The following BID variants were observed in gnomAD, a reference collection of about 807,000 sequenced individuals.
BID encodes the protein BH3 interacting domain death agonist.
Under a neutral mutation model 17.4 loss-of-function variants are expected in BID, and 19 were observed. The ratio of observed to expected loss-of-function variants is 1.09; its 90% confidence interval spans 0.76 to 1.60. The LOEUF (loss-of-function observed/expected upper bound fraction) is 1.60. Among genes scored for constraint, BID ranks in the 40% most tolerant of loss-of-function variants. The probability of loss-of-function intolerance (pLI) is 0.00; values close to 1 mark genes in which losing one functional copy is unlikely to be tolerated. For missense variants in BID, 226 were observed against 256.0 expected (o/e 0.88, Z 0.80); for synonymous variants, 108 against 102.8 (o/e 1.05, Z -0.31).
At chr22:17,761,174 C>CA (rs1205269272) in intron 1 of BID, among the ~76,000 whole-genome samples, 3 of 152,180 alleles carry the variant, frequency 2.0e-5, no homozygotes, top group Admixed American at 2.0e-4. Context: ...CAGGGGCACT[C>CA]AGAGTCTCAG....
At chr22:17,755,943 C>T (rs2061579610) in intron 1 of BID, among the ~76,000 whole-genome samples, 1 of 152,190 alleles carries the variant, frequency 6.6e-6, no homozygotes, top group South Asian at 2.1e-4. Context: ...TCTCGGCTCA[C>T]TGCAACCTCT....
intron 1 of BID, chr22:17,774,054 G>A: frequency 2.9e-6 from 1 of 346,978 alleles, no homozygotes; most frequent in Admixed American, 4.7e-5. Flanking sequence ...CCCTCCCCGC[G>A]CCCCGCACCC....
chr22:17,770,566 T>C (rs1019294107), intron 1 of BID, among the ~76,000 whole-genome samples: 3 of 152,178 alleles, frequency 2.0e-5, no homozygotes, highest in Non-Finnish European at 4.4e-5. Flanking sequence ...TTACACAAAT[T>C]AAACCAAACC....
At chr22:17,755,031 G>T (rs1448830768) in intron 1 of BID, among the ~76,000 whole-genome samples, 2 of 151,548 alleles carry the variant, frequency 1.3e-5, no homozygotes, top group Non-Finnish European at 2.9e-5. Flanking sequence ...CAAAATGCTG[G>T]GATTACAGGC....
At position 17,742,016 on chromosome 22, in the gene BID, G is replaced by A. The variant is rs138355382; in HGVS notation, c.223+1787C>T. Reference sequence around the variant, plus strand: ...AGCTTATCCACCTTGCTTCAGTTACGGACACGTCCTCTCTCCCTCTGGCCA... The same window carrying A: ...AGCTTATCCACCTTGCTTCAGTTACAGACACGTCCTCTCTCCCTCTGGCCA... On this transcript the variant is annotated intron_variant, in intron 3 of 5. Coordinates refer to ENST00000622694, the MANE Select transcript of BID (RefSeq NM_001196.4). 4.9e-3 allele frequency among the ~76,000 whole-genome samples: 750 copies of A among 152,266 alleles called. 4 individuals are homozygous for A. Among genetic ancestry groups the A allele is most frequent in the African/African-American group, 0.015 (604 of 41,532 alleles).
At chr22:17,751,299 G>C (rs908630652) in intron 1 of BID, among the ~76,000 whole-genome samples, 1 of 151,518 alleles carries the variant, frequency 6.6e-6, no homozygotes, top group Non-Finnish European at 1.5e-5. Flanking sequence ...GTGAACCCGG[G>C]AAGCGGAGCT....
intron 3 of BID, chr22:17,740,452 C>G: frequency 2.9e-6 from 1 of 346,920 alleles, no homozygotes; most frequent in Non-Finnish European, 5.5e-6. Flanking sequence ...TTTTTTGAGA[C>G]GGAGTCTTGC....
At chr22:17,748,433 G>A (rs1295482277) in intron 2 of BID, among the ~76,000 whole-genome samples, 3 of 151,778 alleles carry the variant, frequency 2.0e-5, no homozygotes, top group South Asian at 4.2e-4. Context: ...GCCTGAACCC[G>A]GGAGGCGGAG....
At chr22:17,750,284 G>T in intron 1 of BID, 110 bp from the exon 2 acceptor site, 1 of 913,564 alleles carries the variant, frequency 1.1e-6, no homozygotes, top group Non-Finnish European at 1.7e-6. Context: ...CTGAGCCGAG[G>T]TCCTGGCCTG....
Position 17,773,536 on chromosome 22 carries a change from C to T in BID, c.-59+845G>A. ...AGAGCTCTGGGTGGGTCCATCTGCTCCTCACCTGCCCCAACCCTGCCTGCA... is the reference window on the plus strand; with the variant it reads ...AGAGCTCTGGGTGGGTCCATCTGCTTCTCACCTGCCCCAACCCTGCCTGCA... On this transcript the variant is annotated intron_variant, in intron 1 of 5. Coordinates refer to ENST00000622694, the MANE Select transcript of BID (RefSeq NM_001196.4). This position sits in a 1 kb window ranked among gnomAD's most constrained non-coding sequence, Gnocchi z 4.4. 1.3e-6 allele frequency: 2 copies of T among 1,530,176 alleles called. No individual in the cohort carries two copies. Among genetic ancestry groups the T allele is most frequent in the Non-Finnish European group, 1.8e-6 (2 of 1,113,344 alleles). The allele number at this position is 1,530,176 out of a possible 1,614,324, so 94.8% of individuals were successfully genotyped here.
chr22:17,736,964 C>T (rs1270758283), intron 5 of BID, among the ~76,000 whole-genome samples: 2 of 151,866 alleles, frequency 1.3e-5, no homozygotes, highest in Admixed American at 6.6e-5. Context: ...CCACCACACC[C>T]AGCTAATTTT....
At chr22:17,774,510 GGGCCCGCCCC>G (rs8190266), upstream of BID, 546 of 207,022 alleles carry the variant, frequency 2.6e-3, 2 homozygotes, top group Admixed American at 3.9e-3. Flanking sequence ...CCCCACGCCC[GGGCCCGCCCC>G]GGCCCGCCCC....
intron 1 of BID, among the ~76,000 whole-genome samples, chr22:17,757,860 G>A (rs1379203769): frequency 2.6e-5 from 4 of 152,206 alleles, no homozygotes; most frequent in Non-Finnish European, 4.4e-5. Flanking sequence ...GCGTTTGCCT[G>A]GGAGAGGCTC....
At chr22:17,749,970 T>C (rs1161636270) in intron 2 of BID, 135 bp downstream of exon 2, 2 of 822,332 alleles carry the variant, frequency 2.4e-6, no homozygotes, top group Non-Finnish European at 3.8e-6. Context: ...TGGGCGGGGT[T>C]CGTCTGTGCC....
chr22:17,768,798 G>C (rs980519896), intron 1 of BID, among the ~76,000 whole-genome samples: 1 of 151,230 alleles, frequency 6.6e-6, no homozygotes. Context: ...CGTGAAACTC[G>C]GGAGGCAGAG....
intron 1 of BID, among the ~76,000 whole-genome samples, chr22:17,761,105 C>G (rs532220896): frequency 6.6e-5 from 10 of 152,312 alleles, no homozygotes; most frequent in African/African-American, 1.9e-4. Context: ...AAACAAACCT[C>G]ATTATGTCTA....
intron 1 of BID, among the ~76,000 whole-genome samples, chr22:17,759,246 C>CAAAAAAAAAAAAT (rs747701019): frequency 8.7e-6 from 1 of 114,788 alleles, no homozygotes; most frequent in Non-Finnish European, 1.9e-5. Context: ...AAAAACAAAA[C>CAAAAAAAAAAAAT]AAAAAAAAAA....
chr22:17,771,102 C>T (rs935308493), intron 1 of BID, among the ~76,000 whole-genome samples: 9 of 152,270 alleles, frequency 5.9e-5, no homozygotes, highest in Admixed American at 3.3e-4. Context: ...GGTGATCTTT[C>T]CCCCACTTTT....
intron 1 of BID, among the ~76,000 whole-genome samples, chr22:17,756,283 G>A (rs2061582226): frequency 1.3e-5 from 2 of 152,222 alleles, no homozygotes; most frequent in South Asian, 4.1e-4. Context: ...GCAGGCAACG[G>A]GGAAACTGGA....
Sources: gnomAD v4.1 joint callset for allele counts (sites outside exome capture counted in the v4.1 genomes callset) on GRCh38, gnomAD v4.1.1 for gene constraint, Gnocchi (gnomAD v3.1) non-coding constraint, MANE v1.5 for transcripts, NCBI Gene and HGNC (gene_info 2026-07-23, HGNC 2026-07-21) for gene names.